SLC16A1: variants seen among roughly 807,000 people sequenced by gnomAD.
SLC16A1 encodes the protein monocarboxylate transporter 1.
A neutral mutation model predicts 32.2 loss-of-function variants in SLC16A1; 11 were observed. That is an observed-to-expected ratio of 0.34 (90% CI 0.21 to 0.56). The LOEUF is 0.56. Among genes scored for constraint, SLC16A1 ranks in the 20% least tolerant of loss-of-function variants. The pLI is 0.87. For missense variants in SLC16A1, 435 were observed against 615.0 expected (o/e 0.71, Z 3.10); for synonymous variants, 231 against 226.8 (o/e 1.02, Z -0.17).
chr1:112,946,607 G>A (rs1349329519), intron 1 of SLC16A1, among the ~76,000 whole-genome samples: 1 of 152,202 alleles, frequency 6.6e-6, no homozygotes, highest in South Asian at 2.1e-4. Flanking sequence ...AGGCTGTAGT[G>A]CAGTGGCACT....
rs769766971 is a variant in SLC16A1 at position 112,917,189 on chromosome 1, G to A, written c.1217C>T (p.Pro406Leu). The A allele has an allele frequency of 6.2e-7, 1 of 1,614,112 alleles. No homozygotes were observed. The highest frequency in any genetic ancestry group is 8.5e-7 in the Non-Finnish European group (1 of 1,180,020). The change falls in exon 4 of 5, where the codon CCA becomes CTA. Residue 406 changes from proline (P) to leucine (L), a missense_variant. By Grantham distance (98) the Pro-to-Leu change is moderately conservative. Around this residue, in one of 2 missense-constraint regions of SLC16A1, gnomAD observed 324 missense variants for 500.3 expected, o/e 0.65. Coordinates refer to ENST00000369626, the MANE Select transcript of SLC16A1 (RefSeq NM_003051.4). This position sits in a 1 kb window ranked among gnomAD's most constrained non-coding sequence, Gnocchi z 4.1. Reference protein sequence around the residue: ...IVECCPVLLGPPLLGRLNDMY... With the variant: ...IVECCPVLLGLPLLGRLNDMY... ...GAGATATACTATACCTAAAAGTGGT[G>A]GCCCCAGGAGGACAGGACAGCATTC... is the stretch of plus-strand genomic sequence containing the variant.
intron 2 of SLC16A1, 85 bp downstream of exon 2, chr1:112,929,007 C>CTTTTT: frequency 3.7e-6 from 3 of 807,036 alleles, no homozygotes; most frequent in African/African-American, 3.6e-5. Context: ...CTGAATAAGA[C>CTTTTT]TTTTTTTTTT....
rs760450475 is a variant in SLC16A1, at chr1:112,922,680, CAGG to C, written c.218-550_218-548del. Among the ~76,000 whole-genome samples, 7 of 152,174 alleles carry C rather than the reference CAGG, an allele frequency of 4.6e-5. No individual in the cohort carries two copies. In the East Asian group the frequency reaches 7.8e-4, roughly 17 times the overall value. On this transcript the variant is annotated intron_variant, in intron 2 of 4. Transcript: ENST00000369626. ...ATCCCAGCTACTCCGAAGGCTGAGG[CAGG>C]AGAATGGCTTGAACCTGGGAGGTGG...
At chr1:112,940,384 A>G (rs569548035) in intron 1 of SLC16A1, among the ~76,000 whole-genome samples, 4 of 152,088 alleles carry the variant, frequency 2.6e-5, no homozygotes, top group Non-Finnish European at 5.9e-5. Context: ...TAAAGACCTC[A>G]ATCGTGAGAG....
chr1:112,921,332 C>T (rs552926243), intron 3 of SLC16A1, among the ~76,000 whole-genome samples: 1 of 152,178 alleles, frequency 6.6e-6, no homozygotes, highest in Admixed American at 6.5e-5. Context: ...ATTTAGCATA[C>T]ATATATTAAA....
At chr1:112,924,351 C>T (rs1046779192) in intron 2 of SLC16A1, 8 of 1,290,558 alleles carry the variant, frequency 6.2e-6, no homozygotes, top group South Asian at 2.4e-5. Context: ...CTAGGCCCAT[C>T]GTTTCTCAGG....
rs1360511274 is a variant in SLC16A1 at position 112,913,507 on chromosome 1, A to T, written c.*384T>A. Reference sequence around the variant, plus strand: ...ATTTTAGATTTGCCTCAAACAAGTTAGTTGTTATTTTTCCTTTTAACACAA... The same window carrying T: ...ATTTTAGATTTGCCTCAAACAAGTTTGTTGTTATTTTTCCTTTTAACACAA... On this transcript the variant is annotated 3_prime_UTR_variant, in exon 5 of 5. Transcript: ENST00000369626. The T allele has an allele frequency of 5.4e-6, 1 of 184,732 alleles. No homozygotes were observed. Among genetic ancestry groups the T allele is most frequent in the Non-Finnish European group, 1.1e-5 (1 of 87,200 alleles). 11.4% of individuals were successfully genotyped at this position (184,732 alleles called of 1,614,324 possible).
At chr1:112,914,320 C>G (rs566072836) in intron 4 of SLC16A1, among the ~76,000 whole-genome samples, 155 bp from the exon 5 acceptor site, 2 of 152,278 alleles carry the variant, frequency 1.3e-5, no homozygotes, top group East Asian at 1.9e-4. Flanking sequence ...TGAAAATTAG[C>G]TGATCCTCTG....
At chr1:112,916,282 C>T (rs1347537582) in intron 4 of SLC16A1, among the ~76,000 whole-genome samples, 1 of 150,116 alleles carries the variant, frequency 6.7e-6, no homozygotes, top group Non-Finnish European at 1.5e-5. Flanking sequence ...GGTGGACCAC[C>T]TGAGGTTAGG....
chr1:112,914,460 T>C (rs2101618549), intron 4 of SLC16A1, among the ~76,000 whole-genome samples: 1 of 152,358 alleles, frequency 6.6e-6, no homozygotes, highest in East Asian at 1.9e-4. Flanking sequence ...ATTCTCTTAA[T>C]ACACTATAGA....
At chr1:112,949,367 G>A (rs1411118234) in intron 1 of SLC16A1, among the ~76,000 whole-genome samples, 1 of 152,114 alleles carries the variant, frequency 6.6e-6, no homozygotes, top group Non-Finnish European at 1.5e-5. Context: ...AAATTATTAT[G>A]CCTTAATTTG....
intron 3 of SLC16A1, 52 bp from the exon 4 acceptor site, chr1:112,918,096 ATAAATAAT>A (rs763576399): frequency 2.1e-6 from 2 of 930,416 alleles, no homozygotes; most frequent in South Asian, 3.8e-5. Context: ...AAATAAATAA[ATAAATAAT>A]AAGAGGTATA....
chr1:112,937,082 A>G (rs558052673), intron 1 of SLC16A1, among the ~76,000 whole-genome samples: 1,871 of 152,338 alleles, frequency 0.012, 38 homozygotes, highest in African/African-American at 0.043. Context: ...TCTAAGTATG[A>G]AAAAAGAGAA....
chr1:112,937,917 A>C (rs934842919), intron 1 of SLC16A1, among the ~76,000 whole-genome samples: 1 of 152,192 alleles, frequency 6.6e-6, no homozygotes, highest in African/African-American at 2.4e-5. Flanking sequence ...AATGACGGTG[A>C]TAAGAATCAC....
intron 1 of SLC16A1, among the ~76,000 whole-genome samples, chr1:112,939,780 C>T (rs1043643493): frequency 6.6e-6 from 1 of 152,148 alleles, no homozygotes; most frequent in African/African-American, 2.4e-5. Flanking sequence ...ATTGGGATTA[C>T]AGGCGTTAGC....
chr1:112,949,086 G>C (rs1194224771), intron 1 of SLC16A1, among the ~76,000 whole-genome samples: 2 of 151,970 alleles, frequency 1.3e-5, no homozygotes, highest in East Asian at 1.9e-4. Context: ...TCGATCTCCT[G>C]ACCTTGTGAT....
intron 1 of SLC16A1, among the ~76,000 whole-genome samples, chr1:112,944,308 C>G (rs1649616329): frequency 1.3e-5 from 2 of 152,108 alleles, no homozygotes; most frequent in South Asian, 4.1e-4. Flanking sequence ...AAAAATTAGA[C>G]AGCAGTGGTG....
At position 112,928,583 on chromosome 1, in the gene SLC16A1, G is replaced by A. The variant is rs558364238; in HGVS notation, c.217+509C>T. Among the ~76,000 whole-genome samples the A allele has an allele frequency of 3.9e-5, 6 of 152,324 alleles. No homozygotes were observed. The East Asian group carries it at 9.6e-4, about 24-fold the overall frequency. ...AAATGGTAAAATTTAAGTTTAGGGT[G>A]CAGCTGAAATGCTTTTAGGACTCAT... On this transcript the variant is annotated intron_variant, in intron 2 of 4. Transcript: ENST00000369626.
intron 1 of SLC16A1, among the ~76,000 whole-genome samples, chr1:112,951,119 C>T (rs1382646586): frequency 1.3e-5 from 2 of 151,912 alleles, no homozygotes; most frequent in African/African-American, 2.4e-5. Flanking sequence ...CAGGATGACA[C>T]TAGGAACCAA....
Sources: allele counts gnomAD v4.1 joint callset (sites outside exome capture counted in the v4.1 genomes callset), GRCh38; gene constraint gnomAD v4.1.1; regional missense constraint gnomAD v4.1.1; non-coding constraint Gnocchi (gnomAD v3.1); transcripts MANE v1.5; gene names NCBI Gene and HGNC (gene_info 2026-07-23, HGNC 2026-07-21).